The following BPIFB4 variants were observed in gnomAD, a reference collection of about 807,000 sequenced individuals.
The protein encoded by BPIFB4 is BPI fold containing family B member 4.
In BPIFB4, 62 loss-of-function variants were observed where a neutral mutation model predicts 69.2. The ratio of observed to expected loss-of-function variants is 0.90; its 90% confidence interval spans 0.73 to 1.11. The LOEUF (loss-of-function observed/expected upper bound fraction) is 1.11, where lower values mean the gene tolerates loss of function less well. Ranked by LOEUF, BPIFB4 falls within the 50% of genes least tolerant of loss-of-function variation. The pLI, the probability that BPIFB4 is intolerant of heterozygous loss-of-function variation, is 0.00. For synonymous variants in BPIFB4, 330 were observed against 332.7 expected, an observed-to-expected ratio of 0.99 and a Z score of 0.09; for missense variants, 789 against 792.0, an observed-to-expected ratio of 1.00 and a Z score of 0.04.
chr20:33,088,674 A>C (rs80109182), intron 7 of BPIFB4, among the ~76,000 whole-genome samples: 417 of 152,362 alleles, frequency 2.7e-3, no homozygotes, highest in African/African-American at 9.5e-3. Flanking sequence ...TGACTTTTGC[A>C]GTTGAAAATC....
intron 3 of BPIFB4, 77 bp downstream of exon 3, chr20:33,081,709 A>T: frequency 6.6e-7 from 1 of 1,525,206 alleles, no homozygotes; most frequent in East Asian, 2.5e-5. Flanking sequence ...GTACCCAGGA[A>T]CCTCCTCCTG....
chr20:33,095,202 T>A, intron 12 of BPIFB4, 49 bp downstream of exon 12: 1 of 1,524,682 alleles, frequency 6.6e-7, no homozygotes, highest in Non-Finnish European at 9.1e-7. Flanking sequence ...TTCTCTATCT[T>A]GTTTGAGAAA....
intron 15 of BPIFB4, 165 bp from the exon 16 acceptor site, chr20:33,104,645 C>T (rs1388811585): frequency 6.6e-6 from 4 of 607,560 alleles, no homozygotes; most frequent in Non-Finnish European, 1.1e-5. Context: ...CACCTTAAGG[C>T]TGCCGGTGAG....
At chr20:33,098,510 T>C (rs1981819997) in intron 13 of BPIFB4, among the ~76,000 whole-genome samples, 1 of 152,084 alleles carries the variant, frequency 6.6e-6, no homozygotes, top group Non-Finnish European at 1.5e-5. Context: ...TTTGAGAGGC[T>C]GAGGTGGGTG....
chr20:33,108,177 A>G (rs1345092832), intron 17 of BPIFB4, among the ~76,000 whole-genome samples: 1 of 152,126 alleles, frequency 6.6e-6, no homozygotes, highest in Non-Finnish European at 1.5e-5. Flanking sequence ...GGCACTATGC[A>G]GGGGCCTGGG....
chr20:33,089,641 G>T, intron 9 of BPIFB4, 83 bp downstream of exon 9: 1 of 1,605,678 alleles, frequency 6.2e-7, no homozygotes, highest in East Asian at 2.2e-5. Flanking sequence ...TGTGGTGGGG[G>T]CCACAGACCT....
chr20:33,091,228 GA>G (rs1202386188), intron 10 of BPIFB4, among the ~76,000 whole-genome samples: 5 of 152,210 alleles, frequency 3.3e-5, no homozygotes, highest in Admixed American at 2.0e-4. Flanking sequence ...AATGTGGCCA[GA>G]GGTATGCTGG....
At chr20:33,081,683 C>T in intron 3 of BPIFB4, 51 bp downstream of exon 3, 1 of 1,542,386 alleles carries the variant, frequency 6.5e-7, no homozygotes, top group Non-Finnish European at 8.8e-7. Context: ...AGCAGGGCAG[C>T]TCTGCCAACT....
chr20:33,110,373 G>T (rs981916818), intron 17 of BPIFB4, among the ~76,000 whole-genome samples: 16 of 152,228 alleles, frequency 1.1e-4, no homozygotes, highest in Non-Finnish European at 1.9e-4. Flanking sequence ...AGTCCCCAGT[G>T]CATCCTTTCA....
At chr20:33,080,071 G>A (rs1356668893) in intron 1 of BPIFB4, among the ~76,000 whole-genome samples, 2 of 152,198 alleles carry the variant, frequency 1.3e-5, no homozygotes, top group Non-Finnish European at 2.9e-5. Context: ...TGGAAAGTGA[G>A]GTTAGGATGA....
intron 17 of BPIFB4, among the ~76,000 whole-genome samples, chr20:33,109,843 A>T (rs941530472): frequency 6.6e-6 from 1 of 152,164 alleles, no homozygotes; most frequent in African/African-American, 2.4e-5. Flanking sequence ...AGGTTTAAAG[A>T]AAACCTCAGT....
chr20:33,099,551 C>G (rs1035427661), intron 13 of BPIFB4, among the ~76,000 whole-genome samples: 43 of 152,158 alleles, frequency 2.8e-4, no homozygotes, highest in African/African-American at 1.0e-3. Context: ...CCTCACGAAC[C>G]CTTTTACCTC....
Position 33,079,919 on chromosome 20 carries a change from C to T in BPIFB4, c.-124+216C>T, listed in dbSNP as rs79603831. Among the ~76,000 whole-genome samples the T allele has an allele frequency of 6.0e-3, 916 of 152,352 alleles. 10 individuals carry two copies. The highest frequency in any genetic ancestry group is 0.021 in the African/African-American group (893 of 41,584). ...AATTACATGCATGCGCAGAGCTGCA[C>T]TCATCTTTCCCAGGGACGTTGGGTA... On this transcript the variant is annotated intron_variant, in intron 1 of 17. Coordinates refer to ENST00000375483, the MANE Select transcript of BPIFB4 (RefSeq NM_182519.3).
intron 9 of BPIFB4, among the ~76,000 whole-genome samples, 171 bp downstream of exon 9, chr20:33,089,729 A>AC (rs11415806): frequency 0.35 from 52,337 of 151,178 alleles, 9,594 homozygotes; most frequent in East Asian, 0.69. Flanking sequence ...GCTCCCAAAC[A>AC]CCCCCCCCGA....
chr20:33,086,280 C>A, intron 7 of BPIFB4, 116 bp downstream of exon 7: 1 of 1,350,956 alleles, frequency 7.4e-7, no homozygotes, highest in Non-Finnish European at 1.0e-6. Context: ...GACGATGATG[C>A]TGTGGGGTGG....
Position 33,083,364 on chromosome 20 carries a change from G to C in BPIFB4, c.170-3G>C. 6.2e-7 allele frequency: 1 copy of C among 1,611,512 alleles called. No individual in the cohort carries two copies. The highest frequency in any genetic ancestry group is 8.5e-7 in the Non-Finnish European group (1 of 1,178,178). ...GACTACAGACGCATTGAATTCCCCC[G>C]AGGTGTTGGTGATATTCCCTACAAT... On this transcript the variant is annotated splice_region_variant and splice_polypyrimidine_tract_variant and intron_variant, in intron 4 of 17. Coordinates refer to ENST00000375483, the MANE Select transcript of BPIFB4 (RefSeq NM_182519.3).
intron 7 of BPIFB4, 48 bp downstream of exon 7, chr20:33,086,212 C>T (rs753959899): frequency 1.3e-6 from 2 of 1,581,620 alleles, no homozygotes; most frequent in South Asian, 1.1e-5. Context: ...CTGGAATGGT[C>T]TGTCTTTGGC....
Position 33,111,435 on chromosome 20 carries a change from T to G in BPIFB4, c.1843T>G (p.Ter615GlyextTer88). 1 of 1,614,012 alleles carries G rather than the reference T, an allele frequency of 6.2e-7. No individual in the cohort carries two copies. ...VLEDLLVLSA[*>G] ...CAAGGACCTTTTGGTGCTGAGCGCA[T>G]GAGTGACAGAGGCAGAGATGCTGCT... The change falls in exon 18 of 18, where the codon TGA (stop) becomes GGA (glycine). Residue 615 changes from the stop codon to glycine, a stop_lost. Transcript: ENST00000375483.
chr20:33,080,149 C>A (rs1981185997), intron 1 of BPIFB4, among the ~76,000 whole-genome samples: 1 of 151,964 alleles, frequency 6.6e-6, no homozygotes, highest in Non-Finnish European at 1.5e-5. Flanking sequence ...ATGAATGCCT[C>A]TAATATTCTT....
Sources: gnomAD v4.1 joint callset for allele counts (sites outside exome capture counted in the v4.1 genomes callset) on GRCh38, gnomAD v4.1.1 for gene constraint, MANE v1.5 for transcripts, NCBI Gene and HGNC (gene_info 2026-07-23, HGNC 2026-07-21) for gene names.